Variants in ZMIZ1 observed in about 807,000 individuals in gnomAD.
ZMIZ1 encodes the protein zinc finger MIZ domain-containing protein 1.
A neutral mutation model predicts 113.9 loss-of-function variants in ZMIZ1; 17 were observed. That is an observed-to-expected ratio of 0.15 (90% CI 0.10 to 0.22). The LOEUF (loss-of-function observed/expected upper bound fraction) is 0.22. ZMIZ1 is among the 10% of genes least tolerant of loss of function. The pLI is 1.00. For synonymous variants in ZMIZ1, 607 were observed against 603.1 expected, an observed-to-expected ratio of 1.01 and a Z score of -0.09; for missense variants, 1,059 against 1,477.8, an observed-to-expected ratio of 0.72 and a Z score of 4.65.
At position 79,306,064 on chromosome 10, in the gene ZMIZ1, C is replaced by T. The variant is rs754116710; in HGVS notation, c.2424-36C>T. ...TGCTTTTATGCCCAAAGCCAGGCAC[C>T]CCGGAGCCTCAGCTCTGCCACCCTT... On this transcript the variant is annotated intron_variant, in intron 21 of 24. Transcript: ENST00000334512. 10 of 1,598,192 alleles carry T rather than the reference C, an allele frequency of 6.3e-6. No homozygotes were observed. In the Admixed American group the frequency reaches 1.3e-4, roughly 21 times the overall value.
rs993334505 is a variant in ZMIZ1 at position 79,312,433 on chromosome 10, A to C, written c.3097-209A>C. ...CCCAATCCTGAGGCTTGAAATGAGC[A>C]TGGGGGTGCCCCACACTCGGTGCAG... On this transcript the variant is annotated intron_variant, in intron 24 of 24. Coordinates refer to ENST00000334512, the MANE Select transcript of ZMIZ1 (RefSeq NM_020338.4). Among the ~76,000 whole-genome samples, 4 of 152,204 alleles carry C rather than the reference A, an allele frequency of 2.6e-5. No individual in the cohort carries two copies. The South Asian group carries it at 8.3e-4, about 31-fold the overall frequency.
At chr10:79,224,468 G>A (rs1330883550) in intron 7 of ZMIZ1, among the ~76,000 whole-genome samples, 1 of 152,080 alleles carries the variant, frequency 6.6e-6, no homozygotes, top group Non-Finnish European at 1.5e-5. Context: ...TCTCATCTGG[G>A]GGATTAGCTC....
At chr10:79,142,088 G>A (rs1474097658) in intron 3 of ZMIZ1, among the ~76,000 whole-genome samples, 3 of 152,170 alleles carry the variant, frequency 2.0e-5, no homozygotes, top group Non-Finnish European at 4.4e-5. Context: ...CTTGGGTTTG[G>A]GACAGGAGCC....
At chr10:79,139,444 A>T (rs1845165267) in intron 2 of ZMIZ1, among the ~76,000 whole-genome samples, 1 of 152,214 alleles carries the variant, frequency 6.6e-6, no homozygotes, top group African/African-American at 2.4e-5. Context: ...CCTGGAAGAA[A>T]CAAAACTTAT....
chr10:79,185,271 G>A (rs1370827790), intron 4 of ZMIZ1, among the ~76,000 whole-genome samples: 2 of 152,074 alleles, frequency 1.3e-5, no homozygotes, highest in Admixed American at 6.6e-5. Context: ...CCTCCAAAAC[G>A]GATTCGCCCC....
intron 3 of ZMIZ1, 80 bp downstream of exon 3, chr10:79,139,857 A>T (rs1024459688): frequency 2.5e-6 from 1 of 398,568 alleles, no homozygotes; most frequent in African/African-American, 2.1e-5. Flanking sequence ...GCAGCCCAGA[A>T]GTGCTGTGGC....
In ZMIZ1 at chr10:79,290,942, C is replaced by A; in HGVS notation, c.541-17C>A. On this transcript the variant is annotated splice_polypyrimidine_tract_variant and intron_variant, in intron 9 of 24. Transcript: ENST00000334512. The stretch of plus-strand genomic sequence containing the variant: ...CTCGGGTAGCACCTTAGGTGACAAC[C>A]ACTTCTCTGCCCACAGGTCCTTGGG... The A allele has an allele frequency of 6.2e-7, 1 of 1,610,544 alleles. No homozygotes were observed. The highest frequency in any genetic ancestry group is 1.1e-5 in the South Asian group (1 of 90,888).
At chr10:79,165,074 A>AG (rs1227595228) in intron 4 of ZMIZ1, among the ~76,000 whole-genome samples, 5 of 145,676 alleles carry the variant, frequency 3.4e-5, no homozygotes, top group African/African-American at 1.3e-4. Context: ...TGGGTTGGGT[A>AG]GGGGGGTGGG....
chr10:79,159,156 G>A (rs980824606), intron 3 of ZMIZ1, among the ~76,000 whole-genome samples: 13 of 152,208 alleles, frequency 8.5e-5, no homozygotes, highest in African/African-American at 3.1e-4. Flanking sequence ...CTCACTCCGT[G>A]GCACCAAGGC....
At chr10:79,175,872 C>T (rs1347594550) in intron 4 of ZMIZ1, among the ~76,000 whole-genome samples, 3 of 152,034 alleles carry the variant, frequency 2.0e-5, no homozygotes, top group African/African-American at 4.8e-5. Context: ...CGGTGTGAGC[C>T]TGGCCATCAT....
At chr10:79,201,514 C>A in intron 4 of ZMIZ1, 70 bp from the exon 5 acceptor site, 1 of 1,135,286 alleles carries the variant, frequency 8.8e-7, no homozygotes, top group Non-Finnish European at 1.3e-6. Context: ...GGCCAGAGGG[C>A]AGTTGGGAGG....
chr10:79,172,307 G>A (rs1846634220), intron 4 of ZMIZ1, among the ~76,000 whole-genome samples: 1 of 152,126 alleles, frequency 6.6e-6, no homozygotes, highest in African/African-American at 2.4e-5. Context: ...AGTGTTTGGT[G>A]TATGCCCTAG....
At chr10:79,238,673 C>T (rs977013967) in intron 7 of ZMIZ1, among the ~76,000 whole-genome samples, 1 of 152,224 alleles carries the variant, frequency 6.6e-6, no homozygotes, top group African/African-American at 2.4e-5. Flanking sequence ...GGATCCTAGA[C>T]TCCCACCTTG....
chr10:79,276,360 C>G (rs952017049), intron 7 of ZMIZ1, among the ~76,000 whole-genome samples: 1 of 152,200 alleles, frequency 6.6e-6, no homozygotes, highest in African/African-American at 2.4e-5. Flanking sequence ...GCTTTTGGCT[C>G]CTGTGGCCAC....
chr10:79,302,333 C>G, intron 18 of ZMIZ1, 121 bp downstream of exon 18: 1 of 1,003,958 alleles, frequency 1.0e-6, no homozygotes, highest in East Asian at 2.6e-5. Flanking sequence ...ACCACCGGGC[C>G]TGGAGTGTCC....
chr10:79,182,067 T>A (rs1847144255), intron 4 of ZMIZ1, among the ~76,000 whole-genome samples: 1 of 152,144 alleles, frequency 6.6e-6, no homozygotes, highest in African/African-American at 2.4e-5. Flanking sequence ...CCTGGTTCTG[T>A]TTGGGCTGGG....
chr10:79,190,487 T>C (rs1337306013), intron 4 of ZMIZ1, among the ~76,000 whole-genome samples: 1 of 152,258 alleles, frequency 6.6e-6, no homozygotes, highest in Non-Finnish European at 1.5e-5. Context: ...GGACTTTTCA[T>C]TGTTTTTCCA....
intron 7 of ZMIZ1, among the ~76,000 whole-genome samples, chr10:79,248,845 T>C (rs1850369253): frequency 6.6e-6 from 1 of 152,164 alleles, no homozygotes. Flanking sequence ...TCCCTGGGGC[T>C]GGGACTGGAG....
intron 21 of ZMIZ1, 28 bp from the exon 22 acceptor site, chr10:79,306,072 C>G (rs969598082): frequency 6.2e-6 from 10 of 1,603,436 alleles, no homozygotes; most frequent in Non-Finnish European, 8.5e-6. Context: ...ACCCCGGAGC[C>G]TCAGCTCTGC....
Sources: allele counts gnomAD v4.1 joint callset (sites outside exome capture counted in the v4.1 genomes callset), GRCh38; gene constraint gnomAD v4.1.1; transcripts MANE v1.5; gene names NCBI Gene and HGNC (gene_info 2026-07-23, HGNC 2026-07-21).